The following ZNF713 variants were observed in gnomAD, a reference collection of about 807,000 sequenced individuals.
ZNF713 encodes zinc finger protein 713.
In ZNF713, 21 loss-of-function variants were observed where a neutral mutation model predicts 28.7. The ratio of observed to expected loss-of-function variants is 0.73; its 90% CI spans 0.52 to 1.05. ZNF713 has a LOEUF of 1.05. Among genes scored for constraint, ZNF713 ranks in the 50% least tolerant of loss-of-function variants. The pLI is 0.00. For synonymous variants in ZNF713, 167 were observed against 178.0 expected, an observed-to-expected ratio of 0.94 and a Z score of 0.49; for missense variants, 458 against 532.4, an observed-to-expected ratio of 0.86 and a Z score of 1.37.
rs1786474331 is a variant in ZNF713 at position 55,941,700 on chromosome 7, A to G, written c.*1694A>G. 1.3e-5 allele frequency: 2 copies of G among 152,144 alleles called. No individual in the cohort carries two copies. Among genetic ancestry groups the G allele is most frequent in the South Asian group, 4.1e-4 (2 of 4,832 alleles). The allele number at this position is 152,144 out of a possible 1,614,324, so 9.4% of individuals were successfully genotyped here. ...AGTTATATGCTAGTTTTATATGCTAATTAAATTTATTCTACTCTTCATCAA... is the reference window on the plus strand; with the variant it reads ...AGTTATATGCTAGTTTTATATGCTAGTTAAATTTATTCTACTCTTCATCAA... On this transcript the variant is annotated 3_prime_UTR_variant, in exon 7 of 7. Coordinates refer to ENST00000429591, the MANE Select transcript of ZNF713 (RefSeq NM_182633.3).
intron 1 of ZNF713, among the ~76,000 whole-genome samples, chr7:55,898,146 A>G (rs1584297330): frequency 6.6e-6 from 1 of 152,238 alleles, no homozygotes; most frequent in Admixed American, 6.5e-5. Context: ...AAGCTATAAA[A>G]CTCAGAAAGG....
intron 2 of ZNF713, among the ~76,000 whole-genome samples, chr7:55,906,782 G>A (rs2116201303): frequency 6.6e-6 from 1 of 152,286 alleles, no homozygotes; most frequent in African/African-American, 2.4e-5. Flanking sequence ...ATCTAGGAAA[G>A]TGGACCCACC....
intron 1 of ZNF713, among the ~76,000 whole-genome samples, chr7:55,892,572 A>C (rs1356158094): frequency 2.0e-5 from 3 of 149,972 alleles, no homozygotes; most frequent in Admixed American, 2.0e-4. Flanking sequence ...AAAAAAAAAA[A>C]AAAAAACAAA....
chr7:55,927,972 G>A (rs1686119307), intron 6 of ZNF713, among the ~76,000 whole-genome samples: 1 of 148,964 alleles, frequency 6.7e-6, no homozygotes, highest in Admixed American at 6.7e-5. Context: ...GGATTAGAGG[G>A]AAGGACATTA....
At chr7:55,910,522 G>A (rs574978718) in intron 2 of ZNF713, among the ~76,000 whole-genome samples, 1 of 151,922 alleles carries the variant, frequency 6.6e-6, no homozygotes, top group South Asian at 2.1e-4. Flanking sequence ...TTAAGACAGG[G>A]TCTTACTCTG....
intron 1 of ZNF713, among the ~76,000 whole-genome samples, chr7:55,905,652 G>A (rs928892670): frequency 6.6e-6 from 1 of 151,918 alleles, no homozygotes; most frequent in African/African-American, 2.4e-5. Context: ...ATTGCAGGGC[G>A]CACATGTTTA....
At chr7:55,918,257 C>A (rs544864067) in intron 4 of ZNF713, 7 of 276,054 alleles carry the variant, frequency 2.5e-5, no homozygotes, top group South Asian at 2.3e-4. Flanking sequence ...ACAGCCCTAG[C>A]CGAGCTCCCA....
At chr7:55,902,561 G>T (rs1488247087) in intron 1 of ZNF713, among the ~76,000 whole-genome samples, 1 of 152,168 alleles carries the variant, frequency 6.6e-6, no homozygotes, top group Admixed American at 6.5e-5. Context: ...GAACTCCAGA[G>T]CCTGGGCCTG....
chr7:55,920,420 A>C (rs1260854930), intron 4 of ZNF713, among the ~76,000 whole-genome samples: 1 of 152,238 alleles, frequency 6.6e-6, no homozygotes, highest in African/African-American at 2.4e-5. Context: ...GATATGGAGA[A>C]AGTTTTAATG....
At chr7:55,913,872 G>A (rs926353043) in intron 4 of ZNF713, among the ~76,000 whole-genome samples, 1 of 152,150 alleles carries the variant, frequency 6.6e-6, no homozygotes, top group African/African-American at 2.4e-5. Flanking sequence ...AGCACTTTGG[G>A]AGGCTGAGGT....
chr7:55,919,478 G>C (rs1450186013), intron 4 of ZNF713, among the ~76,000 whole-genome samples: 3 of 97,476 alleles, frequency 3.1e-5, no homozygotes, highest in African/African-American at 1.0e-4. Context: ...GGATAAATTG[G>C]TAAACACTCC....
At position 55,925,967 on chromosome 7, in the gene ZNF713, T is replaced by C. The variant is rs1275416943; in HGVS notation, c.307+2268T>C. 2.6e-5 allele frequency among the ~76,000 whole-genome samples: 4 copies of C among 152,208 alleles called. No homozygotes were observed. In the East Asian group the frequency reaches 5.8e-4, roughly 22 times the overall value. Reference sequence around the variant, plus strand: ...CTGTAGGACCCACACTATCTCCTATTGTGTCCCTCTACACAGACCCCCAAC... The same window carrying C: ...CTGTAGGACCCACACTATCTCCTATCGTGTCCCTCTACACAGACCCCCAAC... On this transcript the variant is annotated intron_variant, in intron 6 of 6. Coordinates refer to ENST00000429591, the MANE Select transcript of ZNF713 (RefSeq NM_182633.3).
At chr7:55,888,232 T>C (rs1268316000) in intron 1 of ZNF713, among the ~76,000 whole-genome samples, 3 of 152,164 alleles carry the variant, frequency 2.0e-5, no homozygotes, top group African/African-American at 7.2e-5. Context: ...CTGTATTTCA[T>C]TGAGTATGAT....
At chr7:55,921,138 G>T (rs889139047) in intron 4 of ZNF713, among the ~76,000 whole-genome samples, 1 of 151,882 alleles carries the variant, frequency 6.6e-6, no homozygotes. Flanking sequence ...ACCTGTTTAC[G>T]CATGGTTTAC....
At chr7:55,890,598 A>C (rs1055737750) in intron 1 of ZNF713, among the ~76,000 whole-genome samples, 1 of 152,218 alleles carries the variant, frequency 6.6e-6, no homozygotes, top group Non-Finnish European at 1.5e-5. Context: ...TGAAAATTCT[A>C]ATCTGCTGTA....
chr7:55,895,451 C>CTTTTTTT (rs55972416), intron 1 of ZNF713, among the ~76,000 whole-genome samples: 4 of 82,390 alleles, frequency 4.9e-5, no homozygotes, highest in African/African-American at 7.6e-5. Context: ...CTGTTATACT[C>CTTTTTTT]TTTTTTTTTT....
At chr7:55,912,775 C>T (rs757133435) in intron 4 of ZNF713, 52 bp downstream of exon 4, 3 of 1,471,916 alleles carry the variant, frequency 2.0e-6, no homozygotes, top group Non-Finnish European at 1.9e-6. Context: ...AGAATGTGGG[C>T]ACTTTTACTT....
At chr7:55,926,764 A>G (rs924967011) in intron 6 of ZNF713, among the ~76,000 whole-genome samples, 7 of 152,212 alleles carry the variant, frequency 4.6e-5, no homozygotes, top group Non-Finnish European at 1.0e-4. Flanking sequence ...CAGTTTGTAC[A>G]TTGTTGCATG....
rs779006063 is a variant in ZNF713 at position 55,939,613 on chromosome 7, T to A, written c.939T>A (p.Pro313=). Residue 313 remains proline (P), a synonymous_variant, in exon 7 of 7, where the codon CCT becomes CCA. Transcript: ENST00000429591. ...AGAGAATTCACACAGGAGAAAAGCC[T>A]TTTATATGCAATGGATGTGGGAAAG... ...QHQRIHTGEK[P]FICNGCGKAF... 4.3e-6 allele frequency: 7 copies of A among 1,614,162 alleles called. No individual in the cohort carries two copies. The highest frequency in any genetic ancestry group is 5.9e-6 in the Non-Finnish European group (7 of 1,180,024).
Sources: allele counts gnomAD v4.1 joint callset (sites outside exome capture counted in the v4.1 genomes callset), GRCh38; gene constraint gnomAD v4.1.1; transcripts MANE v1.5; gene names NCBI Gene and HGNC (gene_info 2026-07-23, HGNC 2026-07-21).